Variants in FOXO3 observed in about 807,000 individuals in gnomAD.
FOXO3 encodes the protein forkhead box O3.
Under a neutral mutation model 41.9 loss-of-function variants are expected in FOXO3, and 4 were observed. That is an observed-to-expected ratio of 0.10 (90% CI 0.05 to 0.22). The LOEUF (loss-of-function observed/expected upper bound fraction) is 0.22, where lower values mean the gene tolerates loss of function less well. Among genes scored for constraint, FOXO3 ranks in the 10% least tolerant of loss-of-function variants. FOXO3 has a pLI of 1.00. For missense variants in FOXO3, 534 were observed against 906.8 expected, an observed-to-expected ratio of 0.59 and a Z score of 5.28; for synonymous variants, 318 against 389.3, an observed-to-expected ratio of 0.82 and a Z score of 2.16.
chr6:108,653,457 G>A (rs1778602077), intron 1 of FOXO3, among the ~76,000 whole-genome samples: 1 of 152,190 alleles, frequency 6.6e-6, no homozygotes, highest in African/African-American at 2.4e-5. Context: ...TACACCTCAA[G>A]GCCAGGTGGT....
At position 108,616,225 on chromosome 6, in the gene FOXO3, C is replaced by T. The variant is rs531794391; in HGVS notation, c.622-47230C>T. ...TGTCGCCCAGGCTTGAGTGCAGTGG[C>T]GCAGTCTCGGCTCACTGCAAGCTCC... On this transcript the variant is annotated intron_variant, in intron 1 of 2. Transcript: ENST00000406360. Among the ~76,000 whole-genome samples, 67 of 137,872 alleles carry T rather than the reference C, an allele frequency of 4.9e-4. 1 individual carries two copies. The highest frequency in any genetic ancestry group is 1.1e-3 in the African/African-American group (41 of 36,458). 90.4% of individuals were successfully genotyped at this position (137,872 alleles called of 152,430 possible). A position where few individuals can be genotyped will look rare whatever the true frequency, so the allele number is the denominator to read the frequency against.
chr6:108,637,727 C>T (rs1778155420), intron 1 of FOXO3, among the ~76,000 whole-genome samples: 1 of 152,102 alleles, frequency 6.6e-6, no homozygotes, highest in Non-Finnish European at 1.5e-5. Context: ...TTTGCCTCTT[C>T]CCCCTTTTGG....
At chr6:108,638,101 A>G (rs1397320793) in intron 1 of FOXO3, among the ~76,000 whole-genome samples, 1 of 152,224 alleles carries the variant, frequency 6.6e-6, no homozygotes, top group Non-Finnish European at 1.5e-5. Context: ...CAGTAATGTC[A>G]TTATATGCAT....
intron 1 of FOXO3, among the ~76,000 whole-genome samples, chr6:108,563,017 G>A (rs964813000): frequency 6.6e-6 from 1 of 152,050 alleles, no homozygotes; most frequent in Admixed American, 6.6e-5. Context: ...TTTGTTTTAT[G>A]TAAAAGAAGT....
chr6:108,644,107 A>G (rs1388670925), intron 1 of FOXO3, among the ~76,000 whole-genome samples: 1 of 152,090 alleles, frequency 6.6e-6, no homozygotes, highest in Non-Finnish European at 1.5e-5. Flanking sequence ...TAGGCTCCAG[A>G]TCCTGTTCCC....
intron 1 of FOXO3, among the ~76,000 whole-genome samples, chr6:108,604,890 T>C (rs1443592252): frequency 2.0e-5 from 3 of 152,300 alleles, no homozygotes; most frequent in East Asian, 3.9e-4. Flanking sequence ...GGCTCACTTA[T>C]GGAGTGTAAA....
chr6:108,647,040 G>A (rs1490614055), intron 1 of FOXO3, among the ~76,000 whole-genome samples: 3 of 152,168 alleles, frequency 2.0e-5, no homozygotes, highest in Admixed American at 1.3e-4. Flanking sequence ...GAGCTATCAG[G>A]TAAAAGGACA....
chr6:108,660,306 T>A (rs549319076), intron 1 of FOXO3, among the ~76,000 whole-genome samples: 1 of 152,316 alleles, frequency 6.6e-6, no homozygotes, highest in East Asian at 1.9e-4. Flanking sequence ...AAGTGTACTA[T>A]CCGGACCATT....
chr6:108,665,079 G>C (rs1424461730), intron 2 of FOXO3, among the ~76,000 whole-genome samples, 190 bp downstream of exon 2: 1 of 152,288 alleles, frequency 6.6e-6, no homozygotes, highest in South Asian at 2.1e-4. Context: ...GCTGTCAGGT[G>C]CCCCCCTTCC....
intron 1 of FOXO3, among the ~76,000 whole-genome samples, chr6:108,638,035 G>T (rs1778164182): frequency 6.6e-6 from 1 of 152,190 alleles, no homozygotes; most frequent in East Asian, 1.9e-4. Context: ...ATGTCAAAAT[G>T]GTTAAGTTAG....
intron 2 of FOXO3, among the ~76,000 whole-genome samples, chr6:108,665,544 C>T (rs1779025286): frequency 3.9e-5 from 6 of 152,054 alleles, no homozygotes; most frequent in Admixed American, 3.3e-4. Context: ...AGTAAGAGGC[C>T]AGGCACAGTG....
chr6:108,640,581 G>A (rs1778230470), intron 1 of FOXO3, among the ~76,000 whole-genome samples: 3 of 151,960 alleles, frequency 2.0e-5, no homozygotes, highest in African/African-American at 4.8e-5. Context: ...TTAATGCATC[G>A]TTTTCATTTG....
At chr6:108,591,886 TAA>T (rs10583126) in intron 1 of FOXO3, among the ~76,000 whole-genome samples, 78,223 of 149,964 alleles carry the variant, frequency 0.52, 21,653 homozygotes, top group East Asian at 0.69. Context: ...TCTTTTTAGT[TAA>T]AAAAAAAAAA....
chr6:108,619,020 G>C (rs1777595442), intron 1 of FOXO3, among the ~76,000 whole-genome samples: 1 of 152,182 alleles, frequency 6.6e-6, no homozygotes, highest in Non-Finnish European at 1.5e-5. Flanking sequence ...ATGTTTCACT[G>C]TTCTCAGAAA....
chr6:108,657,632 G>A (rs767497020), intron 1 of FOXO3, among the ~76,000 whole-genome samples: 1 of 152,174 alleles, frequency 6.6e-6, no homozygotes, highest in African/African-American at 2.4e-5. Flanking sequence ...CAAAACTAAT[G>A]TAAAATGTTA....
Position 108,664,903 on chromosome 6 carries a change from G to T in FOXO3, c.*34+14G>T, listed in dbSNP as rs773213403. ...TGGGCAAAGCAGGTCAGTGCCGAATGCTATGGCATAAAAATAACAATATGG... is the reference window on the plus strand; with the variant it reads ...TGGGCAAAGCAGGTCAGTGCCGAATTCTATGGCATAAAAATAACAATATGG... On this transcript the variant is annotated intron_variant, in intron 2 of 2. Coordinates refer to ENST00000406360, the MANE Select transcript of FOXO3 (RefSeq NM_001455.4). The T allele has an allele frequency of 2.5e-6, 4 of 1,582,848 alleles. No individual in the cohort carries two copies. Among genetic ancestry groups the T allele is most frequent in the Non-Finnish European group, 3.4e-6 (4 of 1,164,456 alleles).
At chr6:108,638,792 T>TAG (rs1306478184) in intron 1 of FOXO3, among the ~76,000 whole-genome samples, 1 of 152,220 alleles carries the variant, frequency 6.6e-6, no homozygotes, top group Non-Finnish European at 1.5e-5. Context: ...CAACAAGGTA[T>TAG]AGAGCTGTTT....
At chr6:108,639,269 T>C (rs758871598) in intron 1 of FOXO3, among the ~76,000 whole-genome samples, 4 of 152,178 alleles carry the variant, frequency 2.6e-5, no homozygotes, top group African/African-American at 7.2e-5. Flanking sequence ...CAAAGCATAA[T>C]CTCTTTCCTG....
intron 1 of FOXO3, among the ~76,000 whole-genome samples, chr6:108,582,821 T>C (rs1465364057): frequency 6.6e-6 from 1 of 152,106 alleles, no homozygotes; most frequent in Non-Finnish European, 1.5e-5. Context: ...TGTAACTGCC[T>C]TCCATGTGAC....
Sources: allele counts gnomAD v4.1 joint callset (sites outside exome capture counted in the v4.1 genomes callset), GRCh38; gene constraint gnomAD v4.1.1; transcripts MANE v1.5; gene names NCBI Gene and HGNC (gene_info 2026-07-23, HGNC 2026-07-21).